Variants in CLNK observed in about 807,000 individuals in gnomAD.
CLNK encodes the protein cytokine dependent hematopoietic cell linker.
A neutral mutation model predicts 68.6 loss-of-function variants in CLNK; 74 were observed. That is an observed-to-expected ratio of 1.08 (90% CI 0.89 to 1.31). The LOEUF is 1.31. CLNK is among the 50% of genes most tolerant of loss of function. CLNK has a pLI of 0.00. For synonymous variants in CLNK, 198 were observed against 172.2 expected, an observed-to-expected ratio of 1.15 and a Z score of -1.17; for missense variants, 553 against 515.3, an observed-to-expected ratio of 1.07 and a Z score of -0.71.
At chr4:10,501,937 A>G (rs1717071049) in intron 17 of CLNK, among the ~76,000 whole-genome samples, 1 of 152,190 alleles carries the variant, frequency 6.6e-6, no homozygotes, top group Non-Finnish European at 1.5e-5. Flanking sequence ...CAAAACAAAA[A>G]CAAAAAGAAA....
chr4:10,670,677 C>A (rs765846729), intron 1 of CLNK, among the ~76,000 whole-genome samples: 2 of 151,710 alleles, frequency 1.3e-5, no homozygotes, highest in Admixed American at 1.3e-4. Flanking sequence ...CCAAATAGGT[C>A]TTTTTCAGCT....
intron 1 of CLNK, among the ~76,000 whole-genome samples, chr4:10,681,933 T>A (rs1725107423): frequency 6.6e-6 from 1 of 152,240 alleles, no homozygotes. Flanking sequence ...TGAGAAATGA[T>A]GAGCGTTTCT....
chr4:10,630,375 T>A (rs1021136899), intron 2 of CLNK, among the ~76,000 whole-genome samples: 19 of 152,190 alleles, frequency 1.2e-4, no homozygotes, highest in Admixed American at 9.8e-4. Flanking sequence ...TTCATGAAAG[T>A]CAAAGGACTG....
intron 2 of CLNK, chr4:10,598,582 T>A: frequency 2.9e-6 from 1 of 345,894 alleles, no homozygotes; most frequent in Non-Finnish European, 5.8e-6. Flanking sequence ...CTGATTCAAG[T>A]AATATTTATT....
intron 8 of CLNK, among the ~76,000 whole-genome samples, chr4:10,542,507 G>C (rs1463168863): frequency 6.6e-6 from 1 of 151,936 alleles, no homozygotes; most frequent in East Asian, 1.9e-4. Flanking sequence ...TGACACACGG[G>C]GAAGTTAAAT....
At chr4:10,543,305 G>A (rs77656209) in intron 8 of CLNK, among the ~76,000 whole-genome samples, 6,074 of 152,174 alleles carry the variant, frequency 0.04, 313 homozygotes, top group East Asian at 0.13. Context: ...AAAAATGGGC[G>A]TGGTGTAATA....
At chr4:10,686,077 C>A (rs891736696), upstream of CLNK, among the ~76,000 whole-genome samples, 1 of 152,094 alleles carries the variant, frequency 6.6e-6, no homozygotes, top group African/African-American at 2.4e-5. Context: ...AGTCTGAGAT[C>A]AAGGAGTCGG....
chr4:10,604,597 T>A (rs1164311028), intron 2 of CLNK, among the ~76,000 whole-genome samples: 4 of 151,754 alleles, frequency 2.6e-5, no homozygotes, highest in Non-Finnish European at 5.9e-5. Context: ...TTTTTTTTTT[T>A]AAGTTTAAAT....
intron 4 of CLNK, 64 bp from the exon 5 acceptor site, chr4:10,571,842 CT>C: frequency 7.8e-7 from 1 of 1,280,290 alleles, no homozygotes; most frequent in Non-Finnish European, 1.1e-6. Context: ...ATCAAAAAGA[CT>C]GGGCCCTTGT....
At chr4:10,673,774 G>A (rs1257445482) in intron 1 of CLNK, among the ~76,000 whole-genome samples, 1 of 151,684 alleles carries the variant, frequency 6.6e-6, no homozygotes, top group Non-Finnish European at 1.5e-5. Context: ...GGAAGGGGAG[G>A]CAGGACTTGT....
the CLNK span, among the ~76,000 whole-genome samples, chr4:10,703,127 G>A: frequency 1.3e-5 from 2 of 152,088 alleles, no homozygotes. Flanking sequence ...ATGAGAGTAG[G>A]CATGGGGGGC....
At chr4:10,608,718 G>C (rs917001992) in intron 2 of CLNK, among the ~76,000 whole-genome samples, 47 of 152,226 alleles carry the variant, frequency 3.1e-4, no homozygotes, top group African/African-American at 1.1e-3. Context: ...AGTAGCCTCT[G>C]TGGGCTGGGG....
rs553022694 is a variant in CLNK, at chr4:10,679,543, C to T, written c.-43+5125G>A. ...ATCTAATTAAACTAAAGAGCTCCTG[C>T]ACTGCAAAAGAAACTACCATCAGAG... is the stretch of plus-strand genomic sequence containing the variant. On this transcript the variant is annotated intron_variant, in intron 1 of 18. Transcript: ENST00000226951. 2.6e-5 allele frequency among the ~76,000 whole-genome samples: 4 copies of T among 152,278 alleles called. No individual in the cohort carries two copies. The South Asian group carries it at 8.3e-4, about 32-fold the overall frequency.
At chr4:10,505,798 G>T (rs1717266547) in intron 17 of CLNK, among the ~76,000 whole-genome samples, 1 of 152,148 alleles carries the variant, frequency 6.6e-6, no homozygotes, top group South Asian at 2.1e-4. Context: ...CTTCACATCT[G>T]CAAAGTCCCC....
the CLNK span, chr4:10,697,166 A>G: frequency 6.6e-6 from 1 of 152,136 alleles, no homozygotes; most frequent in African/African-American, 2.4e-5. Flanking sequence ...AAATATTAAA[A>G]TCCCTTCATA....
intron 8 of CLNK, among the ~76,000 whole-genome samples, chr4:10,553,064 C>T (rs1476820589): frequency 6.6e-6 from 1 of 151,960 alleles, no homozygotes; most frequent in Non-Finnish European, 1.5e-5. Flanking sequence ...GGGGGGCATG[C>T]AGGGGCGGAA....
At chr4:10,725,790 C>G in the CLNK span, among the ~76,000 whole-genome samples, 1,242 of 151,518 alleles carry the variant, frequency 8.2e-3, 21 homozygotes, top group African/African-American at 0.028. Flanking sequence ...GGGAGGCGGA[C>G]CTTGCAGTGA....
chr4:10,631,700 A>G (rs1374215900), intron 2 of CLNK, among the ~76,000 whole-genome samples: 2 of 152,240 alleles, frequency 1.3e-5, no homozygotes, highest in Non-Finnish European at 2.9e-5. Context: ...TAGAGGAGAG[A>G]AAGGGAAACG....
At chr4:10,680,970 TG>T (rs1725073727) in intron 1 of CLNK, among the ~76,000 whole-genome samples, 1 of 151,308 alleles carries the variant, frequency 6.6e-6, no homozygotes, top group Admixed American at 6.6e-5. Context: ...GACTTGCCCA[TG>T]AGTGAGGACG....
Sources: gnomAD v4.1 joint callset for allele counts (sites outside exome capture counted in the v4.1 genomes callset) on GRCh38, gnomAD v4.1.1 for gene constraint, MANE v1.5 for transcripts, NCBI Gene and HGNC (gene_info 2026-07-23, HGNC 2026-07-21) for gene names.